Variants in EPSTI1 observed in about 807,000 individuals in gnomAD.
EPSTI1 encodes epithelial stromal interaction 1.
Under a neutral mutation model 49.9 loss-of-function variants are expected in EPSTI1, and 66 were observed. That is an observed-to-expected ratio of 1.32 (90% CI 1.08 to 1.62). EPSTI1 has a LOEUF of 1.62. Ranked by LOEUF, EPSTI1 falls within the 40% of genes most tolerant of loss-of-function variation. The probability of loss-of-function intolerance (pLI) is 0.00; values close to 1 mark genes in which losing one functional copy is unlikely to be tolerated. For synonymous variants in EPSTI1, 137 were observed against 130.7 expected, an observed-to-expected ratio of 1.05 and a Z score of -0.33; for missense variants, 394 against 365.5, an observed-to-expected ratio of 1.08 and a Z score of -0.64.
Position 42,888,097 on chromosome 13 carries a change from C to T in EPSTI1, c.*397G>A. ...AGTAGGGATTAAAATCTAAAAAGAC[C>T]CCCAAAGCTTTCAAAACCTGATCTG... On this transcript the variant is annotated 3_prime_UTR_variant, in exon 11 of 11. Coordinates refer to ENST00000313624, the MANE Select transcript of EPSTI1 (RefSeq NM_033255.5). 2.5e-6 allele frequency: 2 copies of T among 787,642 alleles called. No individual in the cohort carries two copies. Among genetic ancestry groups the T allele is most frequent in the Middle Eastern group, 3.9e-4 (1 of 2,586 alleles). The allele number at this position is 787,642 out of a possible 1,614,324, so 48.8% of individuals were successfully genotyped here.
At chr13:42,897,713 T>C (rs2037235100) in intron 9 of EPSTI1, among the ~76,000 whole-genome samples, 1 of 152,238 alleles carries the variant, frequency 6.6e-6, no homozygotes, top group Non-Finnish European at 1.5e-5. Context: ...TTGAGCACTC[T>C]TTGATACTAT....
At chr13:42,978,155 AAAAAAAAAAG>A (rs201554248) in intron 1 of EPSTI1, among the ~76,000 whole-genome samples, 1,759 of 152,054 alleles carry the variant, frequency 0.012, 34 homozygotes, top group African/African-American at 0.038. Context: ...TCCATCTCAA[AAAAAAAAAAG>A]AAAGTTTATT....
chr13:42,890,304 T>TCTTTTC, intron 10 of EPSTI1, among the ~76,000 whole-genome samples: 1 of 148,284 alleles, frequency 6.7e-6, no homozygotes, highest in Non-Finnish European at 1.5e-5. Flanking sequence ...TTCTTTTTTT[T>TCTTTTC]TTTTTTTTTT....
chr13:42,889,139 C>T (rs939494586), intron 10 of EPSTI1: 2 of 1,230,020 alleles, frequency 1.6e-6, no homozygotes, highest in Non-Finnish European at 2.3e-6. Flanking sequence ...AGAGTTTCCA[C>T]AGCATCCCAA....
At chr13:42,917,715 G>T in intron 7 of EPSTI1, 91 bp from the exon 8 acceptor site, 2 of 899,254 alleles carry the variant, frequency 2.2e-6, no homozygotes, top group Non-Finnish European at 3.4e-6. Context: ...CTATAGGCCC[G>T]GTGCTAATAA....
chr13:42,909,982 T>G (rs1211124182), intron 8 of EPSTI1, among the ~76,000 whole-genome samples: 1 of 152,212 alleles, frequency 6.6e-6, no homozygotes, highest in East Asian at 1.9e-4. Context: ...AACTGTGAGG[T>G]AATGCATTTG....
intron 1 of EPSTI1, among the ~76,000 whole-genome samples, chr13:42,978,722 C>T (rs1203412187): frequency 6.7e-6 from 1 of 148,446 alleles, no homozygotes; most frequent in Non-Finnish European, 1.5e-5. Context: ...GCCATAGATA[C>T]TTACTTAAGA....
intron 6 of EPSTI1, among the ~76,000 whole-genome samples, chr13:42,930,625 A>T (rs1166321860): frequency 6.6e-6 from 1 of 151,462 alleles, no homozygotes; most frequent in Non-Finnish European, 1.5e-5. Context: ...TACACTTTAC[A>T]GAATTCTTTC....
intron 7 of EPSTI1, among the ~76,000 whole-genome samples, chr13:42,923,431 C>T (rs546267387): frequency 1.1e-4 from 16 of 152,208 alleles, no homozygotes; most frequent in South Asian, 6.2e-4. Flanking sequence ...CGTGGGGGTG[C>T]GTGCCTGTGG....
At chr13:42,968,923 C>T (rs138638073) in intron 3 of EPSTI1, among the ~76,000 whole-genome samples, 171 bp downstream of exon 3, 32,226 of 89,342 alleles carry the variant, frequency 0.36, 4,246 homozygotes, top group Middle Eastern at 0.52. Context: ...AAAAAAAATA[C>T]ACACACACAC....
At chr13:42,989,367 C>G (rs191887993) in intron 1 of EPSTI1, among the ~76,000 whole-genome samples, 115 of 152,148 alleles carry the variant, frequency 7.6e-4, no homozygotes, top group African/African-American at 2.6e-3. Context: ...GTTCAAAGAG[C>G]AAGTGATGGC....
intron 8 of EPSTI1, among the ~76,000 whole-genome samples, chr13:42,913,613 C>T (rs1006197843): frequency 1.3e-5 from 2 of 151,986 alleles, no homozygotes; most frequent in Non-Finnish European, 2.9e-5. Flanking sequence ...GGAATAAATC[C>T]CTGGAGCTGG....
At position 42,963,510 on chromosome 13, in the gene EPSTI1, G is replaced by A. The variant is rs777192379; in HGVS notation, c.406-172C>T. On this transcript the variant is annotated intron_variant, in intron 4 of 10. Transcript: ENST00000313624. ...AGATCACAGAGAATGGCCGGGCTACGTCTTCTGCCCGTGAAATTTCTGTCT... is the reference window on the plus strand; with the variant it reads ...AGATCACAGAGAATGGCCGGGCTACATCTTCTGCCCGTGAAATTTCTGTCT... 2.5e-4 allele frequency: 150 copies of A among 589,190 alleles called. 1 individual carries two copies. The highest frequency in any genetic ancestry group is 2.0e-4 in the Non-Finnish European group (68 of 337,770). 36.5% of individuals were successfully genotyped at this position (589,190 alleles called of 1,614,324 possible). A position where few individuals can be genotyped will look rare whatever the true frequency, so the allele number is the denominator to read the frequency against.
intron 1 of EPSTI1, among the ~76,000 whole-genome samples, chr13:42,984,834 GA>G (rs1359101556): frequency 2.0e-5 from 3 of 152,208 alleles, no homozygotes; most frequent in Non-Finnish European, 4.4e-5. Context: ...TTGGATCAAG[GA>G]AATTAGGAAA....
chr13:42,964,769 C>G lies in EPSTI1; in HGVS notation c.332-630G>C, dbSNP rs9567076. 7.9e-5 allele frequency among the ~76,000 whole-genome samples: 12 copies of G among 152,116 alleles called. No homozygotes were observed. In the East Asian group the frequency reaches 2.3e-3, roughly 29 times the overall value. On this transcript the variant is annotated intron_variant, in intron 3 of 10. Coordinates refer to ENST00000313624, the MANE Select transcript of EPSTI1 (RefSeq NM_033255.5). ...ATGGATGTTAGATTATTTACTTGCT[C>G]TCTCTTAAACCTAAAAGAATTTGGG...
chr13:42,952,646 T>C (rs531552245), intron 6 of EPSTI1, among the ~76,000 whole-genome samples: 1 of 152,198 alleles, frequency 6.6e-6, no homozygotes, highest in Non-Finnish European at 1.5e-5. Context: ...ACAGACAGGC[T>C]AAGGATTCTG....
intron 3 of EPSTI1, among the ~76,000 whole-genome samples, chr13:42,968,716 T>C (rs1302203070): frequency 1.3e-5 from 2 of 152,118 alleles, no homozygotes; most frequent in Admixed American, 1.3e-4. Flanking sequence ...AACATTTAAC[T>C]GCCATGATTA....
intron 1 of EPSTI1, among the ~76,000 whole-genome samples, chr13:42,977,033 T>G (rs1010806951): frequency 6.6e-6 from 1 of 152,224 alleles, no homozygotes; most frequent in Non-Finnish European, 1.5e-5. Flanking sequence ...ACTCAACTAT[T>G]GCAACTGTTT....
chr13:42,960,921 A>C (rs1268171322), intron 5 of EPSTI1, among the ~76,000 whole-genome samples: 3 of 152,202 alleles, frequency 2.0e-5, no homozygotes, highest in Non-Finnish European at 4.4e-5. Flanking sequence ...CTCTATTTTA[A>C]GGTCAGTTGA....
Sources: gnomAD v4.1 joint callset for allele counts (sites outside exome capture counted in the v4.1 genomes callset) on GRCh38, gnomAD v4.1.1 for gene constraint, MANE v1.5 for transcripts, NCBI Gene and HGNC (gene_info 2026-07-23, HGNC 2026-07-21) for gene names.